FNTB: variants seen among roughly 807,000 people sequenced by gnomAD.
FNTB encodes the protein farnesyltransferase, CAAX box, subunit beta.
In FNTB, 27 loss-of-function variants were observed where a neutral mutation model predicts 59.4. That is an observed-to-expected ratio of 0.45 (90% CI 0.34 to 0.63). The LOEUF (loss-of-function observed/expected upper bound fraction) is 0.63, where lower values mean the gene tolerates loss of function less well. FNTB is among the 20% of genes least tolerant of loss of function. FNTB has a pLI of 0.02. For synonymous variants in FNTB, 230 were observed against 220.7 expected (o/e 1.04, Z -0.37); for missense variants, 449 against 559.6 (o/e 0.80, Z 1.99).
At chr14:64,987,210 G>T (rs1012301449) in intron 1 of FNTB, 113 bp downstream of exon 1, 15 of 1,267,452 alleles carry the variant, frequency 1.2e-5, no homozygotes, top group Non-Finnish European at 1.6e-5. Context: ...CTCCCACAGC[G>T]CACCGCGGTG....
At chr14:65,045,065 T>C (rs1287027266) in intron 9 of FNTB, among the ~76,000 whole-genome samples, 1 of 152,212 alleles carries the variant, frequency 6.6e-6, no homozygotes, top group Non-Finnish European at 1.5e-5. Flanking sequence ...CGTTCGTTTC[T>C]GTGGGGTCTC....
chr14:65,019,087 C>T lies in FNTB; in HGVS notation c.374+3371C>T, dbSNP rs187449051. On this transcript the variant is annotated intron_variant, in intron 4 of 11. Transcript: ENST00000246166. ...ACTCAGGAGGCTGAGGCAGGAGACT[C>T]GCTTGAACCCGGGAGGCGGAGGTTG... is the stretch of plus-strand genomic sequence containing the variant. 3.2e-3 allele frequency among the ~76,000 whole-genome samples: 494 copies of T among 152,206 alleles called. 2 individuals carry two copies. The highest frequency in any genetic ancestry group is 0.011 in the African/African-American group (458 of 41,524).
In FNTB at chr14:65,007,608, TC is replaced by T. The variant is rs2061614760; in HGVS notation, c.209+3296del. On this transcript the variant is annotated intron_variant, in intron 2 of 11. Coordinates refer to ENST00000246166, the MANE Select transcript of FNTB (RefSeq NM_002028.4). The surrounding 1 kb of genome is among the most constrained non-coding windows in gnomAD (Gnocchi z 4.9). ...ATTTTCTTCTCTAAGGTTGGGACTG[TC>T]TACCTGGAGTGAGGTAGTCAGTCCC... Among the ~76,000 whole-genome samples the T allele has an allele frequency of 6.6e-6, 1 of 152,224 alleles. No individual in the cohort carries two copies. Among genetic ancestry groups the T allele is most frequent in the Admixed American group, 6.5e-5 (1 of 15,282 alleles).
intron 1 of FNTB, chr14:65,003,467 C>G (rs139607549): frequency 1.3e-5 from 2 of 152,078 alleles, no homozygotes; most frequent in East Asian, 3.9e-4. Flanking sequence ...TGGGTTGGAA[C>G]CACTATAACA....
intron 7 of FNTB, among the ~76,000 whole-genome samples, chr14:65,038,054 C>G (rs142067321): frequency 6.6e-6 from 1 of 152,048 alleles, no homozygotes; most frequent in Non-Finnish European, 1.5e-5. Flanking sequence ...CATGAGCCCC[C>G]GCACCTGGCC....
Position 65,044,231 on chromosome 14 carries a change from G to A in FNTB, c.823-80G>A. 1 of 1,601,984 alleles carries A rather than the reference G, an allele frequency of 6.2e-7. No homozygotes were observed. The highest frequency in any genetic ancestry group is 8.5e-7 in the Non-Finnish European group (1 of 1,175,946). On this transcript the variant is annotated intron_variant, in intron 8 of 11. Transcript: ENST00000246166. The surrounding 1 kb of genome is among the most constrained non-coding windows in gnomAD (Gnocchi z 5.5). ...AAGATGGGAAACCCTCCATCCCACA[G>A]ATTGACTCCTGGAGATTCTGTCGGG...
rs2062862462 is a variant in FNTB at position 65,061,343 on chromosome 14, C to T, written c.*31C>T. On this transcript the variant is annotated 3_prime_UTR_variant, in exon 12 of 12. Transcript: ENST00000246166. ...CTGGGTCCCGGCAGCTCTTTGCTCA[C>T]CCATCTCCCCAGTCAGACAAGGTTT... The T allele has an allele frequency of 1.9e-6, 3 of 1,612,500 alleles. No individual in the cohort carries two copies. Among genetic ancestry groups the T allele is most frequent in the Non-Finnish European group, 2.5e-6 (3 of 1,179,812 alleles).
chr14:65,048,503 T>C lies in FNTB; in HGVS notation c.955+4060T>C, dbSNP rs775588773. Reference sequence around the variant, plus strand: ...AGTGACCATCAGTGGCTCCATGCCATTGACTACCTTCTATGTGTAAATGAC... The same window carrying C: ...AGTGACCATCAGTGGCTCCATGCCACTGACTACCTTCTATGTGTAAATGAC... On this transcript the variant is annotated intron_variant, in intron 9 of 11. Transcript: ENST00000246166. Among the ~76,000 whole-genome samples, 38 of 152,170 alleles carry C rather than the reference T, an allele frequency of 2.5e-4. 1 individual carries two copies. Among genetic ancestry groups the C allele is most frequent in the Non-Finnish European group, 4.4e-5 (3 of 68,010 alleles).
intron 4 of FNTB, among the ~76,000 whole-genome samples, chr14:65,024,716 T>C (rs1481955949): frequency 6.6e-6 from 1 of 152,234 alleles, no homozygotes; most frequent in East Asian, 1.9e-4. Context: ...TTTTTGCTTG[T>C]AATTTTTTAT....
rs1039975374 is a variant in FNTB, at chr14:64,991,187, C to T, written c.144+4090C>T. Among the ~76,000 whole-genome samples, 2 of 151,548 alleles carry T rather than the reference C, an allele frequency of 1.3e-5. No individual in the cohort carries two copies. The highest frequency in any genetic ancestry group is 2.4e-5 in the African/African-American group (1 of 40,880). On this transcript the variant is annotated intron_variant, in intron 1 of 11. Transcript: ENST00000246166. The surrounding 1 kb of genome is among the most constrained non-coding windows in gnomAD (Gnocchi z 4.4). The stretch of plus-strand genomic sequence containing the variant: ...TCCTCCACTTTAAATGGCATGGTGT[C>T]ATTGAACCATTGGCATGGTTCATTG...
At chr14:65,057,256 G>GT (rs1445294404) in intron 11 of FNTB, among the ~76,000 whole-genome samples, 1 of 152,066 alleles carries the variant, frequency 6.6e-6, no homozygotes, top group Non-Finnish European at 1.5e-5. Context: ...TGTTTTTGGT[G>GT]TTTTTTTGTT....
intron 2 of FNTB, among the ~76,000 whole-genome samples, chr14:65,004,706 A>T (rs538337950): frequency 1.3e-5 from 2 of 151,366 alleles, no homozygotes; most frequent in African/African-American, 4.9e-5. Context: ...CTTGTTGCCC[A>T]GGCTGGGGTG....
intron 8 of FNTB, among the ~76,000 whole-genome samples, chr14:65,043,828 C>CAAAAAAAAAAAAA (rs749243788): frequency 7.8e-5 from 5 of 64,244 alleles, no homozygotes; most frequent in African/African-American, 2.9e-4. Context: ...GACTCCGTCT[C>CAAAAAAAAAAAAA]AAAAAAAAAA....
At chr14:65,043,864 ATGTAGTACCAAATTCC>A (rs2062414026) in intron 8 of FNTB, among the ~76,000 whole-genome samples, 1 of 145,016 alleles carries the variant, frequency 6.9e-6, no homozygotes, top group Non-Finnish European at 1.5e-5. Context: ...AAAAAAAGAA[ATGTAGTACCAAATTCC>A]ATTTATCTGC....
chr14:65,015,462 A>G, intron 3 of FNTB, 163 bp from the exon 4 acceptor site: 1 of 396,264 alleles, frequency 2.5e-6, no homozygotes, highest in Non-Finnish European at 4.4e-6. Flanking sequence ...GCTCCTGGCT[A>G]AGGCCACAAA....
intron 7 of FNTB, among the ~76,000 whole-genome samples, chr14:65,038,353 T>C (rs926139274): frequency 6.6e-6 from 1 of 151,144 alleles, no homozygotes; most frequent in African/African-American, 2.4e-5. Context: ...GAGGTTGCAG[T>C]GAGCCGAGAT....
chr14:65,022,177 C>T, intron 4 of FNTB: 3 of 420,296 alleles, frequency 7.1e-6, no homozygotes, highest in South Asian at 5.2e-5. Flanking sequence ...AGTACGAGAA[C>T]AAGCTTGATG....
chr14:65,032,722 G>C lies in FNTB; in HGVS notation c.692+26G>C. The C allele has an allele frequency of 1.2e-6, 2 of 1,606,898 alleles. No individual in the cohort carries two copies. Among genetic ancestry groups the C allele is most frequent in the Non-Finnish European group, 1.7e-6 (2 of 1,177,320 alleles). On this transcript the variant is annotated intron_variant, in intron 7 of 11. Transcript: ENST00000246166. This position sits in a 1 kb window ranked among gnomAD's most constrained non-coding sequence, Gnocchi z 5.0. ...GTGAGAGAAGCCAGGGTTTCTCCTG[G>C]CCTCTTGGAGAGCAGGCGGTCACGA... is the stretch of plus-strand genomic sequence containing the variant.
Position 65,054,557 on chromosome 14 carries a change from A to G in FNTB, c.1068-18A>G, listed in dbSNP as rs775728767. ...GCGGAGCAGAGGAGCGCCTGCTCAGAGCTGCCTGTCCTTACAGGTCGCGTG... is the reference window on the plus strand; with the variant it reads ...GCGGAGCAGAGGAGCGCCTGCTCAGGGCTGCCTGTCCTTACAGGTCGCGTG... On this transcript the variant is annotated intron_variant, in intron 10 of 11. Transcript: ENST00000246166. The surrounding 1 kb of genome is among the most constrained non-coding windows in gnomAD (Gnocchi z 4.4). The G allele has an allele frequency of 6.2e-7, 1 of 1,608,858 alleles. No individual in the cohort carries two copies. The highest frequency in any genetic ancestry group is 1.1e-5 in the South Asian group (1 of 89,918).
Sources: gnomAD v4.1 joint callset for allele counts (sites outside exome capture counted in the v4.1 genomes callset) on GRCh38, gnomAD v4.1.1 for gene constraint, Gnocchi (gnomAD v3.1) non-coding constraint, MANE v1.5 for transcripts, NCBI Gene and HGNC (gene_info 2026-07-23, HGNC 2026-07-21) for gene names.